DAB1: variants seen among roughly 807,000 people sequenced by gnomAD.
The protein encoded by DAB1 is DAB adaptor protein 1.
DAB1 carries 15 observed loss-of-function variants against 64.6 expected under a neutral mutation model. The ratio of observed to expected loss-of-function variants is 0.23; its 90% CI spans 0.16 to 0.36. The LOEUF is 0.36. Among genes scored for constraint, DAB1 ranks in the 10% least tolerant of loss-of-function variants. The pLI is 1.00. For synonymous variants in DAB1, 235 were observed against 251.9 expected, an observed-to-expected ratio of 0.93 and a Z score of 0.64; for missense variants, 596 against 706.7, an observed-to-expected ratio of 0.84 and a Z score of 1.78.
chr1:57,693,838 G>T (rs572964340), intron 6 of DAB1, among the ~76,000 whole-genome samples: 205 of 152,294 alleles, frequency 1.3e-3, no homozygotes, highest in African/African-American at 4.6e-3. Context: ...CCAAAGGTCC[G>T]CAGCTTCATT....
chr1:58,312,530 T>C (rs1482319925), intron 4 of DAB1, among the ~76,000 whole-genome samples: 1 of 152,190 alleles, frequency 6.6e-6, no homozygotes, highest in Non-Finnish European at 1.5e-5. Context: ...CTGATGTTTA[T>C]CCTTTTGATG....
chr1:57,291,944 T>C (rs1335942593), intron 1 of DAB1, among the ~76,000 whole-genome samples: 1 of 152,206 alleles, frequency 6.6e-6, no homozygotes, highest in Non-Finnish European at 1.5e-5. Context: ...TCACATATAG[T>C]GTCTCACTCG....
intron 2 of DAB1, among the ~76,000 whole-genome samples, chr1:57,190,237 C>A (rs1377330737): frequency 6.6e-6 from 1 of 152,104 alleles, no homozygotes; most frequent in Non-Finnish European, 1.5e-5. Context: ...GGTCTGGGGA[C>A]CATACTTTGA....
intron 2 of DAB1, among the ~76,000 whole-genome samples, chr1:57,282,202 A>AC (rs1671964950): frequency 1.9e-5 from 2 of 103,072 alleles, no homozygotes; most frequent in Non-Finnish European, 4.0e-5. Context: ...AAAAAAAAAA[A>AC]AAAAAAAAAA....
At chr1:58,006,002 T>C (rs1646577293) in intron 5 of DAB1, among the ~76,000 whole-genome samples, 1 of 152,172 alleles carries the variant, frequency 6.6e-6, no homozygotes, top group South Asian at 2.1e-4. Context: ...GGTTGGCCTG[T>C]GCTTTCCCCA....
intron 5 of DAB1, among the ~76,000 whole-genome samples, chr1:58,076,183 G>T (rs1422862308): frequency 1.3e-5 from 2 of 152,112 alleles, no homozygotes; most frequent in Non-Finnish European, 2.9e-5. Context: ...GATGGTGATG[G>T]TTCATGTCTA....
intron 5 of DAB1, among the ~76,000 whole-genome samples, chr1:58,050,245 C>T (rs139716118): frequency 1.5e-3 from 227 of 152,170 alleles, no homozygotes; most frequent in African/African-American, 5.1e-3. Context: ...CTCTCGTGAG[C>T]CTATAAGAGT....
At chr1:58,505,275 T>C (rs1380648795) in intron 3 of DAB1, among the ~76,000 whole-genome samples, 1 of 152,246 alleles carries the variant, frequency 6.6e-6, no homozygotes, top group Non-Finnish European at 1.5e-5. Flanking sequence ...TGTTGTGCTA[T>C]GCCTTAGCAC....
At chr1:58,335,486 G>T (rs1221448183) in intron 4 of DAB1, among the ~76,000 whole-genome samples, 1 of 152,074 alleles carries the variant, frequency 6.6e-6, no homozygotes, top group Non-Finnish European at 1.5e-5. Context: ...GCAAGTGGGG[G>T]TCACTGCATT....
intron 5 of DAB1, among the ~76,000 whole-genome samples, chr1:57,928,568 GT>G (rs1174058077): frequency 6.6e-6 from 1 of 152,190 alleles, no homozygotes; most frequent in Non-Finnish European, 1.5e-5. Context: ...ATACAAAGTA[GT>G]TTCACTGCTG....
intron 5 of DAB1, among the ~76,000 whole-genome samples, chr1:58,091,336 T>C (rs372641581): frequency 6.6e-6 from 1 of 152,244 alleles, no homozygotes; most frequent in Admixed American, 6.5e-5. Context: ...CCTTTGCTCC[T>C]CTGTCTAACC....
At chr1:57,260,436 A>G (rs908099999) in intron 2 of DAB1, among the ~76,000 whole-genome samples, 6 of 152,200 alleles carry the variant, frequency 3.9e-5, no homozygotes, top group Non-Finnish European at 8.8e-5. Flanking sequence ...CCAAGGCTTC[A>G]TTTGTCCAAC....
At chr1:57,384,880 C>T (rs1485638883) in intron 1 of DAB1, among the ~76,000 whole-genome samples, 2 of 152,140 alleles carry the variant, frequency 1.3e-5, no homozygotes, top group Non-Finnish European at 2.9e-5. Context: ...ATAAATTTTA[C>T]ATGTACTTCA....
At chr1:58,191,031 G>T (rs1000649680) in intron 4 of DAB1, among the ~76,000 whole-genome samples, 3 of 152,134 alleles carry the variant, frequency 2.0e-5, no homozygotes, top group African/African-American at 7.2e-5. Context: ...GGGAAGCCAA[G>T]GGTCCAAGGC....
chr1:58,103,045 T>C lies in DAB1; in HGVS notation n.387+47466A>G, dbSNP rs150615217. 1.6e-4 allele frequency among the ~76,000 whole-genome samples: 24 copies of C among 152,260 alleles called. No individual in the cohort carries two copies. In the East Asian group the frequency reaches 4.6e-3, roughly 29 times the overall value. ...CACCATTCTGGACCCCTGCCTACTA[T>C]ATGCCAGCTCACAGTTCAGGAGGGG... On this transcript the variant is annotated intron_variant and non_coding_transcript_variant, in intron 5 of 20. Coordinates refer to the DAB1 transcript ENST00000485760.
chr1:57,497,031 A>G (rs909720139), intron 7 of DAB1, among the ~76,000 whole-genome samples: 1 of 152,066 alleles, frequency 6.6e-6, no homozygotes. Flanking sequence ...TTCCCTATGT[A>G]CTTGCCTTCA....
intron 7 of DAB1, among the ~76,000 whole-genome samples, chr1:57,633,121 CCT>C (rs1400045722): frequency 3.9e-5 from 6 of 152,148 alleles, no homozygotes; most frequent in Middle Eastern, 3.2e-3. Flanking sequence ...GATCTGAGCC[CCT>C]GAGTAGAGCT....
intron 4 of DAB1, among the ~76,000 whole-genome samples, chr1:58,158,647 A>G (rs538592991): frequency 6.6e-6 from 1 of 152,314 alleles, no homozygotes; most frequent in African/African-American, 2.4e-5. Context: ...AACCCCCACA[A>G]GCTGAGAATG....
intron 5 of DAB1, among the ~76,000 whole-genome samples, chr1:58,129,266 T>C (rs1653354185): frequency 6.6e-6 from 1 of 151,760 alleles, no homozygotes; most frequent in Non-Finnish European, 1.5e-5. Context: ...TAGTATTCCC[T>C]GATGGCAGTT....
Sources: allele counts gnomAD v4.1 joint callset (sites outside exome capture counted in the v4.1 genomes callset), GRCh38; gene constraint gnomAD v4.1.1; transcripts MANE v1.5; gene names NCBI Gene and HGNC (gene_info 2026-07-23, HGNC 2026-07-21).